The following RNF130 variants were observed in gnomAD, a reference collection of about 807,000 sequenced individuals.
RNF130 encodes ring finger protein 130.
A neutral mutation model predicts 44.6 loss-of-function variants in RNF130; 21 were observed. The observed-to-expected ratio is 0.47, with a 90% CI of 0.33 to 0.68. RNF130 has a LOEUF of 0.68. RNF130 is among the 30% of genes least tolerant of loss of function. RNF130 has a pLI of 0.02. For missense variants in RNF130, 479 were observed against 560.6 expected, an observed-to-expected ratio of 0.85 and a Z score of 1.47; for synonymous variants, 214 against 210.4, an observed-to-expected ratio of 1.02 and a Z score of -0.15.
Position 179,985,733 on chromosome 5 carries a change from A to T in RNF130, c.694-5533T>A, listed in dbSNP as rs558208555. Among the ~76,000 whole-genome samples, 379 of 152,306 alleles carry T rather than the reference A, an allele frequency of 2.5e-3. 4 individuals are homozygous for T. The highest frequency in any genetic ancestry group is 4.8e-3 in the South Asian group (23 of 4,816). ...GTTTAGTAGCTTTATCAATAAGGGCAGTCTTGATCATAGACCTGACTGCAT... is the reference window on the plus strand; with the variant it reads ...GTTTAGTAGCTTTATCAATAAGGGCTGTCTTGATCATAGACCTGACTGCAT... On this transcript the variant is annotated intron_variant, in intron 3 of 8. Coordinates refer to ENST00000521389, the MANE Select transcript of RNF130 (RefSeq NM_018434.6).
chr5:179,943,925 T>C (rs990811624), intron 7 of RNF130, among the ~76,000 whole-genome samples: 2 of 152,160 alleles, frequency 1.3e-5, no homozygotes, highest in Non-Finnish European at 2.9e-5. Flanking sequence ...CTTCTCAAGG[T>C]CTTTACAAAG....
chr5:180,064,051 C>T (rs1765043612), intron 1 of RNF130, among the ~76,000 whole-genome samples: 1 of 152,064 alleles, frequency 6.6e-6, no homozygotes, highest in South Asian at 2.1e-4. Context: ...GAGGGAAGTG[C>T]CAGAGAAAAT....
At chr5:179,939,277 GA>G (rs10706357) in intron 7 of RNF130, among the ~76,000 whole-genome samples, 69,099 of 151,834 alleles carry the variant, frequency 0.46, 16,328 homozygotes, top group East Asian at 0.73. Context: ...TTTTAAGACA[GA>G]AAAAAAGTGG....
At chr5:179,966,612 T>C (rs550539052) in intron 7 of RNF130, among the ~76,000 whole-genome samples, 194 bp downstream of exon 7, 6 of 152,370 alleles carry the variant, frequency 3.9e-5, no homozygotes, top group Admixed American at 3.3e-4. Context: ...CTATTAATTA[T>C]ACACAAACAC....
At chr5:180,021,602 A>G (rs1763873823) in intron 2 of RNF130, among the ~76,000 whole-genome samples, 1 of 152,002 alleles carries the variant, frequency 6.6e-6, no homozygotes, top group Non-Finnish European at 1.5e-5. Context: ...AGAGTCCCAA[A>G]TCATTCATTT....
chr5:180,071,051 G>A (rs558755208), intron 1 of RNF130, among the ~76,000 whole-genome samples: 9 of 151,578 alleles, frequency 5.9e-5, no homozygotes, highest in Admixed American at 4.6e-4. Flanking sequence ...CATCCTTCCA[G>A]ATCTAGCGCA....
In RNF130 at chr5:179,971,536, A is replaced by T. The variant is rs528371747; in HGVS notation, c.849-1030T>A. ...AGCAGCCCGCCACCACGCCCAGCCA[A>T]TTTTTTGTATTTTTAGTAGAGACGG... On this transcript the variant is annotated intron_variant, in intron 5 of 8. Transcript: ENST00000521389. Among the ~76,000 whole-genome samples the T allele has an allele frequency of 4.8e-3, 723 of 152,086 alleles. 9 individuals are homozygous for T. Among genetic ancestry groups the T allele is most frequent in the African/African-American group, 0.016 (682 of 41,506 alleles).
chr5:180,060,936 G>A (rs1319206247), intron 1 of RNF130, among the ~76,000 whole-genome samples: 2 of 152,010 alleles, frequency 1.3e-5, no homozygotes, highest in Non-Finnish European at 2.9e-5. Context: ...GGGCGAGGTA[G>A]TGGGCGCCTG....
intron 2 of RNF130, among the ~76,000 whole-genome samples, chr5:180,025,029 C>A (rs992074947): frequency 2.0e-5 from 3 of 152,176 alleles, no homozygotes; most frequent in African/African-American, 7.2e-5. Context: ...ACCTGCAGAG[C>A]AAAAGGACTG....
chr5:179,990,624 G>A (rs2113029528), intron 3 of RNF130, among the ~76,000 whole-genome samples: 1 of 152,262 alleles, frequency 6.6e-6, no homozygotes. Flanking sequence ...TAAGTAGCGG[G>A]TACATTTCCT....
intron 3 of RNF130, among the ~76,000 whole-genome samples, chr5:180,007,408 A>C (rs1020998437): frequency 6.6e-6 from 1 of 152,194 alleles, no homozygotes; most frequent in Non-Finnish European, 1.5e-5. Flanking sequence ...CTCAAAAAAC[A>C]AAAACAAAAA....
chr5:180,020,499 G>A (rs143510869), intron 2 of RNF130, among the ~76,000 whole-genome samples: 115 of 152,268 alleles, frequency 7.6e-4, no homozygotes, highest in African/African-American at 2.6e-3. Flanking sequence ...CCTGCCATGC[G>A]TCTGCTGGGA....
At chr5:179,991,693 C>T (rs1020880552) in intron 3 of RNF130, among the ~76,000 whole-genome samples, 1 of 152,056 alleles carries the variant, frequency 6.6e-6, no homozygotes, top group African/African-American at 2.4e-5. Flanking sequence ...CACAGACTGG[C>T]GGGTAGGGGA....
rs141924649 is a variant in RNF130 at position 179,967,009 on chromosome 5, G to A, written c.947C>T (p.Pro316Leu). ...LNILKALGIV[P>L]NLPCTDNVAF... ...TACGTTATCAGTACATGGCAAATTCGGCTGCAAAATATTTCCAGGTTAAAA... is the reference window on the plus strand; with the variant it reads ...TACGTTATCAGTACATGGCAAATTCAGCTGCAAAATATTTCCAGGTTAAAA... Residue 316 changes from proline (P) to leucine (L), a missense_variant and splice_region_variant, in exon 7 of 9, where the codon CCG becomes CTG. Pro to Leu is a moderately conservative substitution (Grantham distance 98). Coordinates refer to ENST00000521389, the MANE Select transcript of RNF130 (RefSeq NM_018434.6). 7.3e-5 allele frequency: 117 copies of A among 1,610,036 alleles called. No individual in the cohort carries two copies. The African/African-American group carries it at 1.4e-3, about 19-fold the overall frequency.
rs181143380 is a variant in RNF130, at chr5:179,955,862, C to T, written c.1245-193G>A. ...CAGATCTGCAGTTGACTGACTCATC[C>T]ATCTTAGAGGTGCTTTAATACTCCC... On this transcript the variant is annotated intron_variant, in intron 8 of 8. Transcript: ENST00000521389. Among the ~76,000 whole-genome samples the T allele has an allele frequency of 5.9e-5, 9 of 152,326 alleles. No individual in the cohort carries two copies. In the East Asian group the frequency reaches 1.5e-3, roughly 26 times the overall value.
At chr5:180,033,791 T>A (rs4700705) in intron 2 of RNF130, among the ~76,000 whole-genome samples, 33,345 of 152,108 alleles carry the variant, frequency 0.22, 4,570 homozygotes, top group East Asian at 0.48. Context: ...TTACATCTAG[T>A]GGTTTTTAAT....
chr5:179,924,073 G>T (rs1437019092), intron 7 of RNF130, among the ~76,000 whole-genome samples: 1 of 152,224 alleles, frequency 6.6e-6, no homozygotes, highest in Non-Finnish European at 1.5e-5. Flanking sequence ...AGTCCAGCTT[G>T]ATGGTCAGTA....
chr5:180,016,200 A>C (rs1763726550), intron 2 of RNF130, among the ~76,000 whole-genome samples: 1 of 152,038 alleles, frequency 6.6e-6, no homozygotes. Context: ...GAATCTGGCG[A>C]AAGTTATATA....
chr5:180,071,513 C>G lies in RNF130; in HGVS notation c.190G>C (p.Asp64His), dbSNP rs1355829281. The change falls in exon 1 of 9, where the codon GAC (aspartate) becomes CAC (histidine). Residue 64 changes from aspartate (D) to histidine (H), a missense_variant. Around this residue, in one of 3 missense-constraint regions of RNF130, gnomAD observed 138 missense variants for 126.9 expected, o/e 1.09. Transcript: ENST00000521389. The stretch of plus-strand genomic sequence containing the variant: ...CCGCGGACCTCGGCCTTGGGGGAGT[C>G]AAGCCCGTAGCGCCCGCGGTCGATG... ...FRIDRGRYGL[D>H]SPKAEVRGQV... 1.5e-6 allele frequency: 2 copies of G among 1,344,872 alleles called. No individual in the cohort carries two copies. Among genetic ancestry groups the G allele is most frequent in the African/African-American group, 1.5e-5 (1 of 67,350 alleles). 83.3% of individuals were successfully genotyped at this position (1,344,872 alleles called of 1,614,324 possible). A position where few individuals can be genotyped will look rare whatever the true frequency, so the allele number is the denominator to read the frequency against.
Sources: allele counts gnomAD v4.1 joint callset (sites outside exome capture counted in the v4.1 genomes callset), GRCh38; gene constraint gnomAD v4.1.1; regional missense constraint gnomAD v4.1.1; transcripts MANE v1.5; gene names NCBI Gene and HGNC (gene_info 2026-07-23, HGNC 2026-07-21).